Variants in PARD3 observed in about 807,000 individuals in gnomAD.
The protein encoded by PARD3 is partitioning defective 3 homolog.
A neutral mutation model predicts 155.4 loss-of-function variants in PARD3; 75 were observed. The ratio of observed to expected loss-of-function variants is 0.48; its 90% confidence interval spans 0.40 to 0.58. PARD3 has a LOEUF of 0.58. Ranked by LOEUF, PARD3 falls within the 20% of genes least tolerant of loss-of-function variation. The pLI is 0.00. For missense variants in PARD3, 1,642 were observed against 1,721.7 expected (o/e 0.95, Z 0.82); for synonymous variants, 576 against 610.5 (o/e 0.94, Z 0.83).
intron 3 of PARD3, among the ~76,000 whole-genome samples, chr10:34,490,942 A>G (rs1015188154): frequency 6.6e-6 from 1 of 152,252 alleles, no homozygotes; most frequent in Non-Finnish European, 1.5e-5. Context: ...CAAGCTCTTC[A>G]GGTCATTGTA....
chr10:34,537,976 C>T (rs142535436), intron 2 of PARD3, among the ~76,000 whole-genome samples: 235 of 152,270 alleles, frequency 1.5e-3, no homozygotes, highest in South Asian at 0.012. Context: ...CAGCGAAGTA[C>T]ACTTAGGCAA....
chr10:34,450,798 A>T (rs953967459), intron 4 of PARD3, among the ~76,000 whole-genome samples: 5 of 152,136 alleles, frequency 3.3e-5, no homozygotes, highest in African/African-American at 1.2e-4. Flanking sequence ...ACTCTCTCTC[A>T]ACTGTGGCAT....
chr10:34,757,762 T>A (rs908639903), intron 1 of PARD3, among the ~76,000 whole-genome samples: 1 of 152,104 alleles, frequency 6.6e-6, no homozygotes. Context: ...ATTCTACTCA[T>A]GCCAACTAGG....
chr10:34,486,791 T>C (rs1313609009), intron 3 of PARD3, among the ~76,000 whole-genome samples: 1 of 152,154 alleles, frequency 6.6e-6, no homozygotes, highest in African/African-American at 2.4e-5. Context: ...TACCCTTTTG[T>C]GACTCTGAGC....
intron 1 of PARD3, among the ~76,000 whole-genome samples, chr10:34,777,398 G>A (rs868420565): frequency 1.3e-5 from 2 of 152,162 alleles, no homozygotes; most frequent in Middle Eastern, 3.4e-3. Flanking sequence ...GCAGCCCCAT[G>A]TCCTCACATA....
At chr10:34,178,923 C>T (rs1950148295) in intron 22 of PARD3, among the ~76,000 whole-genome samples, 1 of 152,094 alleles carries the variant, frequency 6.6e-6, no homozygotes, top group Non-Finnish European at 1.5e-5. Flanking sequence ...TGACAGGAAA[C>T]AAGAATTAGT....
At chr10:34,422,281 C>A (rs1043237034) in intron 5 of PARD3, among the ~76,000 whole-genome samples, 1 of 152,022 alleles carries the variant, frequency 6.6e-6, no homozygotes, top group African/African-American at 2.4e-5. Context: ...AGAAAACTGA[C>A]GTAATAATGC....
intron 4 of PARD3, among the ~76,000 whole-genome samples, chr10:34,463,144 G>C (rs2077772826): frequency 7.5e-6 from 1 of 132,482 alleles, no homozygotes; most frequent in South Asian, 2.8e-4. Flanking sequence ...GGAAAGAGAA[G>C]GGGAAGGGAA....
chr10:34,331,207 C>T lies in PARD3; in HGVS notation c.2743G>A (p.Gly915Ser). The T allele has an allele frequency of 1.2e-6, 2 of 1,614,074 alleles. No homozygotes were observed. Among genetic ancestry groups the T allele is most frequent in the Non-Finnish European group, 1.7e-6 (2 of 1,179,996 alleles). ...CTGAAGCTCTCATTGCATCCCCTGC[C>T]TCTGATTATCCGCGGCCGTGGACGA... ...FHRPRPRIIRGRGCNESFRAA... is the reference protein window; with the variant it reads ...FHRPRPRIIRSRGCNESFRAA... Residue 915 changes from glycine (G) to serine (S), a missense_variant, in exon 19 of 25, where the codon GGC becomes AGC. By Grantham distance (56) the Gly-to-Ser change is moderately conservative. Around this residue, in one of 3 missense-constraint regions of PARD3, gnomAD observed 1,529 missense variants for 1,587.3 expected, o/e 0.96. Transcript: ENST00000374788.
chr10:34,460,260 A>G (rs2132933686), intron 4 of PARD3, among the ~76,000 whole-genome samples: 1 of 152,200 alleles, frequency 6.6e-6, no homozygotes, highest in East Asian at 1.9e-4. Flanking sequence ...AGAAAATGTG[A>G]TTCAGGGAAT....
At chr10:34,592,047 C>T (rs1279399752) in intron 2 of PARD3, among the ~76,000 whole-genome samples, 2 of 152,178 alleles carry the variant, frequency 1.3e-5, no homozygotes, top group Admixed American at 1.3e-4. Flanking sequence ...CTTCTAGATT[C>T]CAAAATTTCT....
intron 3 of PARD3, among the ~76,000 whole-genome samples, chr10:34,511,506 T>C (rs538595918): frequency 1.3e-5 from 2 of 152,200 alleles, no homozygotes; most frequent in South Asian, 4.2e-4. Flanking sequence ...TCCTCACATG[T>C]AGGAAGGTGG....
intron 22 of PARD3, among the ~76,000 whole-genome samples, chr10:34,140,546 G>T (rs1948133955): frequency 6.6e-6 from 1 of 152,164 alleles, no homozygotes; most frequent in South Asian, 2.1e-4. Flanking sequence ...TAAGCATGAG[G>T]CCAAGCTGGC....
intron 2 of PARD3, among the ~76,000 whole-genome samples, chr10:34,677,599 C>T (rs78049226): frequency 0.019 from 2,882 of 152,052 alleles, 95 homozygotes; most frequent in African/African-American, 0.066. Flanking sequence ...AAGAGATATT[C>T]CCAAAACACA....
intron 22 of PARD3, among the ~76,000 whole-genome samples, chr10:34,132,807 C>G (rs563416940): frequency 1.3e-5 from 2 of 152,184 alleles, no homozygotes; most frequent in East Asian, 1.9e-4. Flanking sequence ...TTTGGCCCAC[C>G]ACGCCCCCCT....
Position 34,382,835 on chromosome 10 carries a change from T to C in PARD3, c.1104A>G (p.Gln368=). 1.2e-6 allele frequency: 2 copies of C among 1,614,224 alleles called. No individual in the cohort carries two copies. Among genetic ancestry groups the C allele is most frequent in the Admixed American group, 1.7e-5 (1 of 60,020 alleles). The change falls in exon 9 of 25, where the codon CAA becomes CAG. Residue 368 remains glutamine (Q), a synonymous_variant. Coordinates refer to ENST00000374788, the MANE Select transcript of PARD3 (RefSeq NM_001184785.2). ...VPAANKEQYE[Q]LSQSEKNNYY... ...AATTGTTCTTCTCACTTTGGGATAG[T>C]TGTTCATACTGCTCTTTATTTGCTG...
At chr10:34,429,573 T>A (rs1444882801) in intron 5 of PARD3, among the ~76,000 whole-genome samples, 2 of 111,162 alleles carry the variant, frequency 1.8e-5, no homozygotes, top group African/African-American at 1.4e-4. Flanking sequence ...TGTTTTGTTT[T>A]GTTTTGTTTT....
intron 2 of PARD3, among the ~76,000 whole-genome samples, chr10:34,550,073 C>A (rs997034659): frequency 2.0e-5 from 3 of 152,150 alleles, no homozygotes; most frequent in African/African-American, 7.2e-5. Flanking sequence ...CTCACAGGCT[C>A]CATGAGGTGA....
At chr10:34,492,698 T>C (rs1038905084) in intron 3 of PARD3, among the ~76,000 whole-genome samples, 9 of 152,312 alleles carry the variant, frequency 5.9e-5, no homozygotes, top group African/African-American at 2.2e-4. Context: ...TCAGAAACAT[T>C]TACTTGGATT....
Sources: allele counts gnomAD v4.1 joint callset (sites outside exome capture counted in the v4.1 genomes callset), GRCh38; gene constraint gnomAD v4.1.1; regional missense constraint gnomAD v4.1.1; transcripts MANE v1.5; gene names NCBI Gene and HGNC (gene_info 2026-07-23, HGNC 2026-07-21).